The following ITPKB variants were observed in gnomAD, a reference collection of about 807,000 sequenced individuals.
The protein encoded by ITPKB is IP3 3-kinase B.
ITPKB carries 13 observed loss-of-function variants against 69.4 expected under a neutral mutation model. That is an observed-to-expected ratio of 0.19 (90% CI 0.12 to 0.30). ITPKB has a LOEUF of 0.30. ITPKB is among the 10% of genes least tolerant of loss of function. The probability of loss-of-function intolerance (pLI) is 1.00; values close to 1 mark genes in which losing one functional copy is unlikely to be tolerated. For synonymous variants in ITPKB, 584 were observed against 513.7 expected (o/e 1.14, Z -1.85); for missense variants, 1,240 against 1,250.5 (o/e 0.99, Z 0.13).
In ITPKB at chr1:226,736,176, C is replaced by T. The variant is rs1318319248; in HGVS notation, c.1283G>A (p.Ser428Asn). 2 of 1,549,558 alleles carry T rather than the reference C, an allele frequency of 1.3e-6. No homozygotes were observed. The highest frequency in any genetic ancestry group is 2.3e-5 in the East Asian group (1 of 44,396). ...LASVGPEEAR[S>N]GAPVGGGRWQ... The stretch of plus-strand genomic sequence containing the variant: ...ACGCCCCCCGCCCACGGGGGCCCCA[C>T]TTCGGGCCTCCTCAGGGCCTACGGA... The change falls in exon 2 of 8, where the codon AGT becomes AAT. Residue 428 changes from serine (S) to asparagine (N), a missense_variant. Ser to Asn is a conservative substitution (Grantham distance 46, BLOSUM62 1). Coordinates refer to ENST00000429204, the MANE Select transcript of ITPKB (RefSeq NM_002221.4).
intron 1 of ITPKB, among the ~76,000 whole-genome samples, chr1:226,737,947 A>C (rs1657857714): frequency 6.6e-6 from 1 of 152,128 alleles, no homozygotes; most frequent in South Asian, 2.1e-4. Flanking sequence ...CGTCTCGCGG[A>C]CCGGCGAGAA....
intron 2 of ITPKB, among the ~76,000 whole-genome samples, chr1:226,664,770 CAA>C (rs1669466211): frequency 6.6e-6 from 1 of 152,218 alleles, no homozygotes; most frequent in South Asian, 2.1e-4. Context: ...GATAAACTGC[CAA>C]AGAGCCCCGG....
chr1:226,639,966 G>C (rs1668923356), intron 5 of ITPKB, among the ~76,000 whole-genome samples: 1 of 152,304 alleles, frequency 6.6e-6, no homozygotes, highest in South Asian at 2.1e-4. Flanking sequence ...ATGACCCGGG[G>C]CTGGCCTGTC....
intron 2 of ITPKB, among the ~76,000 whole-genome samples, chr1:226,724,491 C>G (rs374618740): frequency 9.2e-5 from 14 of 152,286 alleles, no homozygotes; most frequent in African/African-American, 3.1e-4. Context: ...GCTATTGTAT[C>G]GAGCATTTAG....
chr1:226,647,760 T>G (rs936413904), intron 3 of ITPKB, among the ~76,000 whole-genome samples: 1 of 152,184 alleles, frequency 6.6e-6, no homozygotes, highest in African/African-American at 2.4e-5. Flanking sequence ...CTGGCCTCAG[T>G]AGAGAAACCC....
At chr1:226,709,224 A>G (rs902796740) in intron 2 of ITPKB, among the ~76,000 whole-genome samples, 1 of 152,288 alleles carries the variant, frequency 6.6e-6, no homozygotes, top group South Asian at 2.1e-4. Context: ...TAGATAAACA[A>G]CAAGTGACTT....
chr1:226,664,160 A>G (rs1414343593), intron 2 of ITPKB, among the ~76,000 whole-genome samples: 1 of 152,246 alleles, frequency 6.6e-6, no homozygotes, highest in Non-Finnish European at 1.5e-5. Context: ...GTTAGAGGAA[A>G]TGAAACATTA....
intron 4 of ITPKB, among the ~76,000 whole-genome samples, chr1:226,645,873 C>T (rs756505180): frequency 5.9e-5 from 9 of 152,220 alleles, no homozygotes; most frequent in Non-Finnish European, 1.2e-4. Context: ...GCCTGTGCTT[C>T]TCCATCCCCC....
At chr1:226,718,162 C>T (rs953028788) in intron 2 of ITPKB, among the ~76,000 whole-genome samples, 26 of 151,864 alleles carry the variant, frequency 1.7e-4, no homozygotes, top group African/African-American at 5.3e-4. Context: ...GGTGTGGTGG[C>T]GGGCACCTGT....
chr1:226,669,373 G>A (rs2102764845), intron 2 of ITPKB, among the ~76,000 whole-genome samples: 1 of 151,946 alleles, frequency 6.6e-6, no homozygotes, highest in South Asian at 2.1e-4. Flanking sequence ...TTCTAGCCTG[G>A]GCAACAAGAG....
rs1668856873 is a variant in ITPKB at position 226,637,155 on chromosome 1, C to A, written c.2625+524G>T. 6.6e-6 allele frequency among the ~76,000 whole-genome samples: 1 copy of A among 152,182 alleles called. No homozygotes were observed. Among genetic ancestry groups the A allele is most frequent in the Non-Finnish European group, 1.5e-5 (1 of 68,016 alleles). Reference sequence around the variant, plus strand: ...CAGGGTCTCACACCCCTCCAGGGAACCTGCCGACACCTCCCAGAGCCTCTC... The same window carrying A: ...CAGGGTCTCACACCCCTCCAGGGAAACTGCCGACACCTCCCAGAGCCTCTC... On this transcript the variant is annotated intron_variant, in intron 7 of 7. Transcript: ENST00000429204. This position sits in a 1 kb window ranked among gnomAD's most constrained non-coding sequence, Gnocchi z 4.3.
At chr1:226,704,193 C>T (rs1656747784) in intron 2 of ITPKB, among the ~76,000 whole-genome samples, 2 of 151,952 alleles carry the variant, frequency 1.3e-5, no homozygotes, top group Admixed American at 6.6e-5. Context: ...AGAGTGACTA[C>T]GAAATAAAGA....
intron 2 of ITPKB, among the ~76,000 whole-genome samples, chr1:226,715,636 T>C (rs1657076385): frequency 6.6e-6 from 1 of 152,200 alleles, no homozygotes; most frequent in Non-Finnish European, 1.5e-5. Flanking sequence ...AATATCAGAT[T>C]GAGTCAGGAA....
intron 2 of ITPKB, among the ~76,000 whole-genome samples, chr1:226,650,187 T>G (rs1029714358): frequency 1.3e-5 from 2 of 152,240 alleles, no homozygotes; most frequent in Non-Finnish European, 2.9e-5. Flanking sequence ...GAAGTCAAGG[T>G]GAAATCGGCC....
chr1:226,665,015 G>A (rs1297268209), intron 2 of ITPKB, among the ~76,000 whole-genome samples: 1 of 152,228 alleles, frequency 6.6e-6, no homozygotes, highest in Non-Finnish European at 1.5e-5. Flanking sequence ...GCAGCCAGGT[G>A]ATATAGGGCA....
At chr1:226,680,560 T>A (rs557622971) in intron 2 of ITPKB, among the ~76,000 whole-genome samples, 1 of 152,156 alleles carries the variant, frequency 6.6e-6, no homozygotes, top group Admixed American at 6.5e-5. Context: ...ACGATTCTTA[T>A]GAAAAAGGAA....
chr1:226,647,620 A>G (rs536988713), intron 3 of ITPKB, among the ~76,000 whole-genome samples: 14 of 152,296 alleles, frequency 9.2e-5, no homozygotes, highest in African/African-American at 3.4e-4. Context: ...CCTCCTCACC[A>G]GTGTTCCCTG....
Position 226,737,200 on chromosome 1 carries a change from CGCTGCTACTATTCAGCCT to C in ITPKB, c.241_258del (p.Arg81_Ser86del). 1.9e-6 allele frequency: 3 copies of C among 1,586,258 alleles called. No homozygotes were observed. Among genetic ancestry groups the C allele is most frequent in the Non-Finnish European group, 2.6e-6 (3 of 1,173,952 alleles). On this transcript the variant is annotated inframe_deletion, in exon 2 of 8. Coordinates refer to ENST00000429204, the MANE Select transcript of ITPKB (RefSeq NM_002221.4). ...CTGCCGCTGCTGCCGCTGCCACTGC[CGCTGCTACTATTCAGCCT>C]GCGCCGGCCGCTCCGCCAGCCCCCG...
At chr1:226,649,430 T>TGC (rs201945455) in intron 2 of ITPKB, among the ~76,000 whole-genome samples, 1 of 129,304 alleles carries the variant, frequency 7.7e-6, no homozygotes, top group Non-Finnish European at 1.6e-5. Flanking sequence ...CATGAGTGTG[T>TGC]GCGTATGTGT....
Sources: gnomAD v4.1 joint callset for allele counts (sites outside exome capture counted in the v4.1 genomes callset) on GRCh38, gnomAD v4.1.1 for gene constraint, Gnocchi (gnomAD v3.1) non-coding constraint, MANE v1.5 for transcripts, NCBI Gene and HGNC (gene_info 2026-07-23, HGNC 2026-07-21) for gene names.